Variants in CDC42EP4 observed in about 807,000 individuals in gnomAD.
The protein encoded by CDC42EP4 is CDC42 effector protein (Rho GTPase binding) 4.
A neutral mutation model predicts 5.6 loss-of-function variants in CDC42EP4; 6 were observed. The ratio of observed to expected loss-of-function variants is 1.07; its 90% CI spans 0.59 to 2.12. CDC42EP4 has a LOEUF of 2.12. Among genes scored for constraint, CDC42EP4 ranks in the 30% most tolerant of loss-of-function variants. The pLI is 0.00. For synonymous variants in CDC42EP4, 230 were observed against 224.2 expected (o/e 1.03, Z -0.23); for missense variants, 490 against 508.6 (o/e 0.96, Z 0.35).
At chr17:73,289,336 C>T (rs550444580) in intron 1 of CDC42EP4, among the ~76,000 whole-genome samples, 6 of 151,804 alleles carry the variant, frequency 4.0e-5, no homozygotes, top group East Asian at 1.9e-4. Context: ...CATCTCTACA[C>T]AAAATCAAAA....
intron 1 of CDC42EP4, among the ~76,000 whole-genome samples, chr17:73,309,038 C>CCAAAAAAAAAAAA (rs555502875): frequency 5.9e-5 from 2 of 33,994 alleles, no homozygotes; most frequent in African/African-American, 1.2e-4. Flanking sequence ...GCTCTGTCTC[C>CCAAAAAAAAAAAA]AAAAAAAAAA....
intron 1 of CDC42EP4, among the ~76,000 whole-genome samples, chr17:73,308,947 A>G (rs954112081): frequency 6.9e-5 from 10 of 144,398 alleles, no homozygotes; most frequent in Non-Finnish European, 1.4e-4. Context: ...CTGAGGCAGG[A>G]GAATTGCTTG....
chr17:73,307,944 A>G (rs987180340), intron 1 of CDC42EP4, among the ~76,000 whole-genome samples: 3 of 147,662 alleles, frequency 2.0e-5, no homozygotes, highest in Non-Finnish European at 4.5e-5. Flanking sequence ...GTTTCACCAT[A>G]TTGGCCAGGC....
intron 1 of CDC42EP4, among the ~76,000 whole-genome samples, chr17:73,287,755 C>G (rs1026239000): frequency 1.3e-5 from 2 of 152,138 alleles, no homozygotes; most frequent in South Asian, 4.1e-4. Context: ...TGAGAGGCAC[C>G]CCCAGTCCAG....
intron 1 of CDC42EP4, chr17:73,307,060 T>A (rs1422366234): frequency 6.6e-6 from 1 of 152,212 alleles, no homozygotes; most frequent in Non-Finnish European, 1.5e-5. Flanking sequence ...GGCACTGTGG[T>A]TTTTCCAGAT....
chr17:73,290,834 T>C lies in CDC42EP4; in HGVS notation c.-112-4222A>G, dbSNP rs1445280102. Among the ~76,000 whole-genome samples, 24 of 151,838 alleles carry C rather than the reference T, an allele frequency of 1.6e-4. 1 individual carries two copies. Among genetic ancestry groups the C allele is most frequent in the Non-Finnish European group, 1.5e-5 (1 of 67,948 alleles). ...CTGTGAGTGATGTCAGGTCCTGTGG[T>C]TTCCCGATCTTATACGCTCATTAGA... is the stretch of plus-strand genomic sequence containing the variant. On this transcript the variant is annotated intron_variant, in intron 1 of 1. Coordinates refer to ENST00000335793, the MANE Select transcript of CDC42EP4 (RefSeq NM_012121.5).
Position 73,285,735 on chromosome 17 carries a change from C to T in CDC42EP4, c.766G>A (p.Ala256Thr), listed in dbSNP as rs759520765. Residue 256 changes from alanine (A) to threonine (T), a missense_variant, in exon 2 of 2, where the codon GCC becomes ACC. Transcript: ENST00000335793. The surrounding 1 kb of genome is among the most constrained non-coding windows in gnomAD (Gnocchi z 6.8). Reference sequence around the variant, plus strand: ...CTTGCCAGGGGAGGGGCCGCCACGGCGTACGGGGGAGCCTGGGTGATGGTG... The same window carrying T: ...CTTGCCAGGGGAGGGGCCGCCACGGTGTACGGGGGAGCCTGGGTGATGGTG... ...AGTITQAPPYAVAAPPLARQE... is the reference protein window; with the variant it reads ...AGTITQAPPYTVAAPPLARQE... The T allele has an allele frequency of 2.3e-5, 36 of 1,582,136 alleles. No individual in the cohort carries two copies. The highest frequency in any genetic ancestry group is 2.3e-5 in the Non-Finnish European group (27 of 1,158,666).
intron 1 of CDC42EP4, among the ~76,000 whole-genome samples, chr17:73,303,493 C>G (rs953661184): frequency 6.6e-6 from 1 of 151,958 alleles, no homozygotes; most frequent in African/African-American, 2.4e-5. Flanking sequence ...GAGACCCTGT[C>G]TCTACTAAAA....
chr17:73,305,235 G>C (rs116408409), intron 1 of CDC42EP4, among the ~76,000 whole-genome samples: 2,644 of 152,296 alleles, frequency 0.017, 63 homozygotes, highest in East Asian at 0.091. Flanking sequence ...GCCACCACCC[G>C]AAGCCAGCCA....
rs1338098833 is a variant in CDC42EP4 at position 73,285,885 on chromosome 17, T to C, written c.616A>G (p.Ile206Val). The C allele has an allele frequency of 1.2e-6, 2 of 1,614,006 alleles. No individual in the cohort carries two copies. Among genetic ancestry groups the C allele is most frequent in the Non-Finnish European group, 1.7e-6 (2 of 1,180,006 alleles). ...ATYGLKHAES[I>V]MSFHIDLGPS... is the part of the protein sequence containing the mutation. ...CCCAGGTCGATGTGGAAGGACATGA[T>C]GGACTCCGCATGCTTCAGCCCGTAC... Residue 206 changes from isoleucine to valine, a missense_variant, in exon 2 of 2, where the codon ATC (isoleucine) becomes GTC (valine). By Grantham distance (29) the Ile-to-Val change is conservative (BLOSUM62 3). Coordinates refer to ENST00000335793, the MANE Select transcript of CDC42EP4 (RefSeq NM_012121.5). The surrounding 1 kb of genome is among the most constrained non-coding windows in gnomAD (Gnocchi z 6.8).
intron 1 of CDC42EP4, among the ~76,000 whole-genome samples, chr17:73,288,841 G>A (rs557379764): frequency 1.3e-5 from 2 of 152,214 alleles, no homozygotes; most frequent in Admixed American, 6.5e-5. Flanking sequence ...ACGCCATACC[G>A]CTTATCATTC....
intron 1 of CDC42EP4, among the ~76,000 whole-genome samples, chr17:73,288,791 A>C (rs2062146250): frequency 6.6e-6 from 1 of 151,876 alleles, no homozygotes; most frequent in African/African-American, 2.4e-5. Flanking sequence ...GCCCAGCCTC[A>C]TGGCTTCCCC....
intron 1 of CDC42EP4, among the ~76,000 whole-genome samples, chr17:73,292,964 C>T (rs374084618): frequency 1.1e-4 from 16 of 152,136 alleles, no homozygotes; most frequent in East Asian, 1.9e-4. Context: ...GTGATCTGCC[C>T]GCCTCGGCCT....
intron 1 of CDC42EP4, among the ~76,000 whole-genome samples, chr17:73,302,264 A>G (rs1016232418): frequency 6.6e-6 from 1 of 152,206 alleles, no homozygotes; most frequent in East Asian, 1.9e-4. Flanking sequence ...CATCATCTGC[A>G]ACTAATAATA....
chr17:73,289,957 C>T (rs917635940), intron 1 of CDC42EP4, among the ~76,000 whole-genome samples: 5 of 152,134 alleles, frequency 3.3e-5, no homozygotes, highest in Non-Finnish European at 5.9e-5. Flanking sequence ...GCCTCAGTCA[C>T]GTTGGGCATA....
chr17:73,291,123 C>T (rs943871482), intron 1 of CDC42EP4, among the ~76,000 whole-genome samples: 15 of 152,178 alleles, frequency 9.9e-5, no homozygotes, highest in African/African-American at 3.6e-4. Flanking sequence ...TTGTTCAACC[C>T]CACACCCCAG....
Position 73,295,561 on chromosome 17 carries a change from G to A in CDC42EP4, c.-112-8949C>T, listed in dbSNP as rs1313357855. Among the ~76,000 whole-genome samples the A allele has an allele frequency of 3.3e-5, 5 of 152,076 alleles. 1 individual carries two copies. The highest frequency in any genetic ancestry group is 2.1e-4 in the South Asian group (1 of 4,818). ...TGGTCCCAGGGTGGGGTGGTCTTGC[G>A]GTACATGAAACTCCAGCAAAATTTC... On this transcript the variant is annotated intron_variant, in intron 1 of 1. Coordinates refer to ENST00000335793, the MANE Select transcript of CDC42EP4 (RefSeq NM_012121.5).
chr17:73,308,650 C>T (rs1044893522), intron 1 of CDC42EP4, among the ~76,000 whole-genome samples: 7 of 152,126 alleles, frequency 4.6e-5, no homozygotes, highest in Admixed American at 3.3e-4. Flanking sequence ...CAGTCCGGGC[C>T]GCAGAAATCA....
At position 73,285,765 on chromosome 17, in the gene CDC42EP4, C is replaced by T. The variant is rs370748582; in HGVS notation, c.736G>A (p.Ala246Thr). ...EGGYHGDEGAAGTITQAPPYA... is the reference protein window; with the variant it reads ...EGGYHGDEGATGTITQAPPYA... ...GGGGGAGCCTGGGTGATGGTGCCAGCGGCGCCCTCATCGCCATGGTAACCA... is the reference window on the plus strand; with the variant it reads ...GGGGGAGCCTGGGTGATGGTGCCAGTGGCGCCCTCATCGCCATGGTAACCA... Residue 246 changes from alanine (A) to threonine (T), a missense_variant, in exon 2 of 2, where the codon GCT (alanine) becomes ACT (threonine). Physicochemically the swap from Ala to Thr is moderately conservative, Grantham distance 58. Transcript: ENST00000335793. This position sits in a 1 kb window ranked among gnomAD's most constrained non-coding sequence, Gnocchi z 6.8. The T allele has an allele frequency of 3.8e-5, 61 of 1,596,344 alleles. No individual in the cohort carries two copies. In the Admixed American group the frequency reaches 6.2e-4, roughly 16 times the overall value.
Sources: gnomAD v4.1 joint callset for allele counts (sites outside exome capture counted in the v4.1 genomes callset) on GRCh38, gnomAD v4.1.1 for gene constraint, Gnocchi (gnomAD v3.1) non-coding constraint, MANE v1.5 for transcripts, NCBI Gene and HGNC (gene_info 2026-07-23, HGNC 2026-07-21) for gene names.